The following ANKRD12 variants were observed in gnomAD, a reference collection of about 807,000 sequenced individuals.
ANKRD12 encodes the protein ankyrin repeat domain-containing protein 12.
Under a neutral mutation model 183.4 loss-of-function variants are expected in ANKRD12, and 85 were observed. That is an observed-to-expected ratio of 0.46 (90% CI 0.39 to 0.56). The LOEUF (loss-of-function observed/expected upper bound fraction) is 0.56, where lower values mean the gene tolerates loss of function less well. Among genes scored for constraint, ANKRD12 ranks in the 20% least tolerant of loss-of-function variants. The pLI, the probability that ANKRD12 is intolerant of heterozygous loss-of-function variation, is 0.00. For missense variants in ANKRD12, 2,405 were observed against 2,357.1 expected, an observed-to-expected ratio of 1.02 and a Z score of -0.42; for synonymous variants, 914 against 800.2, an observed-to-expected ratio of 1.14 and a Z score of -2.40.
chr18:9,262,830 G>A (rs113681195), intron 9 of ANKRD12, among the ~76,000 whole-genome samples: 8,154 of 104,432 alleles, frequency 0.078, 272 homozygotes, highest in Middle Eastern at 0.13. Flanking sequence ...ACAGAGTCTC[G>A]CTCTGTCACC....
At position 9,166,459 on chromosome 18, in the gene ANKRD12, C is replaced by T. The variant is rs1159398102; in HGVS notation, c.-51-15923C>T. On this transcript the variant is annotated intron_variant, in intron 1 of 12. Coordinates refer to ENST00000262126, the MANE Select transcript of ANKRD12 (RefSeq NM_015208.5). ...CTCATTGTGGTTTTGATTTGCATTTCTCTGATGGCCAGTGATGATGAGCAT... is the reference window on the plus strand; with the variant it reads ...CTCATTGTGGTTTTGATTTGCATTTTTCTGATGGCCAGTGATGATGAGCAT... Among the ~76,000 whole-genome samples, 4 of 152,278 alleles carry T rather than the reference C, an allele frequency of 2.6e-5. No homozygotes were observed. In the East Asian group the frequency reaches 7.7e-4, roughly 29 times the overall value.
Position 9,164,850 on chromosome 18 carries a change from G to T in ANKRD12, c.-51-17532G>T, listed in dbSNP as rs776030596. Among the ~76,000 whole-genome samples, 4 of 152,306 alleles carry T rather than the reference G, an allele frequency of 2.6e-5. No homozygotes were observed. The East Asian group carries it at 5.8e-4, about 22-fold the overall frequency. Reference sequence around the variant, plus strand: ...TCAAATTTAGAGTAAGTGCCATGTGGCAATGAGAAGAATATATAATCTGTT... The same window carrying T: ...TCAAATTTAGAGTAAGTGCCATGTGTCAATGAGAAGAATATATAATCTGTT... On this transcript the variant is annotated intron_variant, in intron 1 of 12. Transcript: ENST00000262126.
intron 11 of ANKRD12, among the ~76,000 whole-genome samples, chr18:9,278,023 T>A (rs2039935299): frequency 6.6e-6 from 1 of 152,230 alleles, no homozygotes; most frequent in Non-Finnish European, 1.5e-5. Context: ...TTTCACACTG[T>A]GTGAGACAGG....
chr18:9,224,116 C>G (rs1320322169), intron 8 of ANKRD12, among the ~76,000 whole-genome samples: 1 of 152,020 alleles, frequency 6.6e-6, no homozygotes, highest in Non-Finnish European at 1.5e-5. Context: ...GAACATCTAG[C>G]AAATCTAATT....
chr18:9,279,328 TTAA>T (rs2040000322), intron 11 of ANKRD12, among the ~76,000 whole-genome samples: 3 of 152,186 alleles, frequency 2.0e-5, no homozygotes, highest in Admixed American at 2.0e-4. Flanking sequence ...TCTATTTTAA[TTAA>T]TAATTAAACC....
chr18:9,256,524 T>G lies in ANKRD12; in HGVS notation c.3257T>G (p.Leu1086Arg), dbSNP rs1273531404. Residue 1086 changes from leucine to arginine, a missense_variant, in exon 9 of 13, where the codon CTT becomes CGT. Around this residue, in one of 7 missense-constraint regions of ANKRD12, gnomAD observed 1,983 missense variants for 1,725.9 expected, o/e 1.15. Coordinates refer to ENST00000262126, the MANE Select transcript of ANKRD12 (RefSeq NM_015208.5). ...MQTSFERMLS[L>R]KDLEIEQWHK... The stretch of plus-strand genomic sequence containing the variant: ...ACAAGTTTTGAACGAATGCTAAGCC[T>G]TAAAGACCTAGAAATAGAACAGTGG... 6.2e-7 allele frequency: 1 copy of G among 1,607,426 alleles called. No individual in the cohort carries two copies. Among genetic ancestry groups the G allele is most frequent in the Non-Finnish European group, 8.5e-7 (1 of 1,178,310 alleles).
intron 1 of ANKRD12, among the ~76,000 whole-genome samples, chr18:9,148,318 A>G (rs1304444810): frequency 1.3e-5 from 2 of 150,994 alleles, no homozygotes; most frequent in Non-Finnish European, 3.0e-5. Flanking sequence ...AAAAATATAT[A>G]TATATACACA....
chr18:9,185,699 C>T (rs2034001939), intron 2 of ANKRD12, among the ~76,000 whole-genome samples: 2 of 151,928 alleles, frequency 1.3e-5, no homozygotes, highest in Admixed American at 6.6e-5. Flanking sequence ...AGGATAGACC[C>T]TGAGGAATTC....
intron 1 of ANKRD12, among the ~76,000 whole-genome samples, chr18:9,140,866 GA>G (rs2078290018): frequency 6.6e-6 from 1 of 152,086 alleles, no homozygotes; most frequent in African/African-American, 2.4e-5. Context: ...TGAACACTTA[GA>G]ATATGCAAAT....
intron 5 of ANKRD12, among the ~76,000 whole-genome samples, chr18:9,209,232 A>G (rs1236715353): frequency 6.6e-6 from 1 of 152,330 alleles, no homozygotes; most frequent in East Asian, 1.9e-4. Flanking sequence ...AACAAACCAA[A>G]CAACATGGTA....
chr18:9,279,822 G>A (rs573055632), intron 12 of ANKRD12, among the ~76,000 whole-genome samples, 178 bp downstream of exon 12: 1 of 152,148 alleles, frequency 6.6e-6, no homozygotes, highest in African/African-American at 2.4e-5. Context: ...AGGACTAGTT[G>A]TAGTATGAAA....
intron 4 of ANKRD12, among the ~76,000 whole-genome samples, chr18:9,205,235 T>C (rs775858477): frequency 6.9e-6 from 1 of 145,404 alleles, no homozygotes; most frequent in African/African-American, 2.6e-5. Context: ...TGTTCTCTAG[T>C]ATGTGACAGC....
intron 1 of ANKRD12, among the ~76,000 whole-genome samples, chr18:9,150,162 T>C (rs939206552): frequency 5.3e-5 from 8 of 152,170 alleles, no homozygotes; most frequent in African/African-American, 1.9e-4. Context: ...AGGTATAATA[T>C]TTAGCAGCAC....
intron 1 of ANKRD12, among the ~76,000 whole-genome samples, chr18:9,148,954 T>C (rs536802707): frequency 2.0e-5 from 3 of 152,308 alleles, no homozygotes; most frequent in East Asian, 1.9e-4. Flanking sequence ...TGTTCCTTCA[T>C]TGTGGTCTGC....
intron 1 of ANKRD12, among the ~76,000 whole-genome samples, chr18:9,173,795 C>T (rs1467347326): frequency 5.3e-5 from 8 of 152,262 alleles, no homozygotes; most frequent in South Asian, 4.1e-4. Flanking sequence ...TGGGGGTAAC[C>T]GTTCCTTGCC....
At chr18:9,186,587 T>A (rs1468343565) in intron 2 of ANKRD12, among the ~76,000 whole-genome samples, 1 of 152,120 alleles carries the variant, frequency 6.6e-6, no homozygotes, top group Non-Finnish European at 1.5e-5. Context: ...ATTTAACCCC[T>A]TATTTTACCT....
At chr18:9,236,082 G>A (rs1598644402) in intron 8 of ANKRD12, among the ~76,000 whole-genome samples, 2 of 152,020 alleles carry the variant, frequency 1.3e-5, no homozygotes, top group Admixed American at 6.5e-5. Flanking sequence ...AAACAATCAC[G>A]GCTTCAACTA....
chr18:9,195,802 A>G (rs1567903516), intron 3 of ANKRD12, 104 bp downstream of exon 3: 1 of 1,049,434 alleles, frequency 9.5e-7, no homozygotes, highest in East Asian at 2.8e-5. Flanking sequence ...ATAGAGAAAT[A>G]TTTGTATTTC....
At chr18:9,279,723 G>C in intron 12 of ANKRD12, 79 bp downstream of exon 12, 1 of 805,186 alleles carries the variant, frequency 1.2e-6, no homozygotes, top group South Asian at 1.8e-5. Context: ...CTGTATTAGG[G>C]AGAAATAATT....
Sources: allele counts gnomAD v4.1 joint callset (sites outside exome capture counted in the v4.1 genomes callset), GRCh38; gene constraint gnomAD v4.1.1; regional missense constraint gnomAD v4.1.1; transcripts MANE v1.5; gene names NCBI Gene and HGNC (gene_info 2026-07-23, HGNC 2026-07-21).